The following MSH4 variants were observed in gnomAD, a reference collection of about 807,000 sequenced individuals.
MSH4 encodes the protein mutS homolog 4.
MSH4 carries 106 observed loss-of-function variants against 113.7 expected under a neutral mutation model. That is an observed-to-expected ratio of 0.93 (90% CI 0.80 to 1.10). The LOEUF is 1.10. Among genes scored for constraint, MSH4 ranks in the 50% least tolerant of loss-of-function variants. MSH4 has a pLI of 0.00. For missense variants in MSH4, 1,061 were observed against 1,093.7 expected (o/e 0.97, Z 0.42); for synonymous variants, 368 against 380.2 (o/e 0.97, Z 0.37).
chr1:75,893,820 A>G (rs561070991), intron 17 of MSH4, among the ~76,000 whole-genome samples: 1 of 152,320 alleles, frequency 6.6e-6, no homozygotes, highest in Admixed American at 6.5e-5. Flanking sequence ...AGTTTTTGAT[A>G]TGGGCTTACT....
rs569746118 is a variant in MSH4, at chr1:75,862,117, G to T, written c.1231-5397G>T. Among the ~76,000 whole-genome samples the T allele has an allele frequency of 2.3e-4, 35 of 152,272 alleles. 1 individual carries two copies. The highest frequency in any genetic ancestry group is 1.4e-3 in the East Asian group (7 of 5,172). On this transcript the variant is annotated intron_variant, in intron 8 of 19. Transcript: ENST00000263187. ...AGCCAGGCACGGAAGGGGATCTCCT[G>T]GTCTGCCAGTTGTGAAGACCGTGGG...
At chr1:75,812,674 A>G (rs559655337) in intron 4 of MSH4, among the ~76,000 whole-genome samples, 1 of 152,318 alleles carries the variant, frequency 6.6e-6, no homozygotes, top group African/African-American at 2.4e-5. Flanking sequence ...AGCCTGGGCA[A>G]CAGAGCAAGA....
At chr1:75,803,497 A>G (rs1649985760) in intron 1 of MSH4, among the ~76,000 whole-genome samples, 1 of 152,030 alleles carries the variant, frequency 6.6e-6, no homozygotes, top group Non-Finnish European at 1.5e-5. Flanking sequence ...GGTGCCTGTA[A>G]TCCCAGCTAC....
At chr1:75,848,774 G>T (rs1186166460) in intron 8 of MSH4, among the ~76,000 whole-genome samples, 1 of 151,938 alleles carries the variant, frequency 6.6e-6, no homozygotes, top group African/African-American at 2.4e-5. Context: ...TGAGGAATTG[G>T]CCTATTTTCA....
chr1:75,850,313 A>G (rs1358057910), intron 8 of MSH4, among the ~76,000 whole-genome samples: 1 of 152,108 alleles, frequency 6.6e-6, no homozygotes, highest in Non-Finnish European at 1.5e-5. Context: ...CTCTCTGAGT[A>G]ATGCTTTAGC....
At chr1:75,902,445 A>G (rs183847610) in intron 19 of MSH4, among the ~76,000 whole-genome samples, 1 of 151,864 alleles carries the variant, frequency 6.6e-6, no homozygotes, top group Non-Finnish European at 1.5e-5. Flanking sequence ...TATAAGTGAG[A>G]ACATGCAGTA....
intron 3 of MSH4, among the ~76,000 whole-genome samples, chr1:75,809,082 G>A (rs1428238885): frequency 1.3e-5 from 2 of 151,958 alleles, no homozygotes; most frequent in African/African-American, 4.8e-5. Flanking sequence ...AATTTTTTTT[G>A]TATAGATGGG....
At chr1:75,881,513 T>A (rs1651932327) in intron 14 of MSH4, 143 bp downstream of exon 14, 1 of 813,462 alleles carries the variant, frequency 1.2e-6, no homozygotes, top group Admixed American at 3.8e-5. Flanking sequence ...AGACACAAAA[T>A]AAAGAAAGTG....
At chr1:75,882,502 G>A (rs939954950) in intron 14 of MSH4, among the ~76,000 whole-genome samples, 9 of 151,866 alleles carry the variant, frequency 5.9e-5, no homozygotes, top group South Asian at 2.1e-4. Context: ...TATTTGTGTT[G>A]ATCTTCTCTA....
chr1:75,883,289 C>T lies in MSH4; in HGVS notation c.1907-332C>T, dbSNP rs961448730. On this transcript the variant is annotated intron_variant, in intron 14 of 19. Transcript: ENST00000263187. ...CTCCGCCTCCCAAATGCTGGGATTA[C>T]CAGCATGAGCCATCACGCCTGGTCT... Among the ~76,000 whole-genome samples the T allele has an allele frequency of 2.6e-5, 4 of 151,096 alleles. No homozygotes were observed. The South Asian group carries it at 8.3e-4, about 31-fold the overall frequency.
At chr1:75,870,317 T>C (rs536497447) in intron 9 of MSH4, among the ~76,000 whole-genome samples, 21 of 151,732 alleles carry the variant, frequency 1.4e-4, no homozygotes, top group Non-Finnish European at 2.7e-4. Flanking sequence ...TTGTCTCAGA[T>C]GAGATTTGGA....
At chr1:75,854,041 A>G (rs912484320) in intron 8 of MSH4, among the ~76,000 whole-genome samples, 1 of 147,524 alleles carries the variant, frequency 6.8e-6, no homozygotes, top group East Asian at 2.0e-4. Flanking sequence ...ATAAATATAT[A>G]GATATTGACC....
At chr1:75,839,479 T>C (rs1419768585) in intron 7 of MSH4, among the ~76,000 whole-genome samples, 1 of 152,146 alleles carries the variant, frequency 6.6e-6, no homozygotes, top group Non-Finnish European at 1.5e-5. Context: ...CCTCCCAAAG[T>C]GTTGGGATTA....
intron 7 of MSH4, among the ~76,000 whole-genome samples, chr1:75,835,119 C>T (rs1032801175): frequency 6.6e-6 from 1 of 152,142 alleles, no homozygotes; most frequent in Non-Finnish European, 1.5e-5. Flanking sequence ...TGCCTGACTA[C>T]CCTAGCTTGT....
In MSH4 at chr1:75,912,366, G is replaced by T. The variant is rs544439656; in HGVS notation, c.2620-330G>T. On this transcript the variant is annotated intron_variant, in intron 19 of 19. Transcript: ENST00000263187. ...AAAGTGTTTGTAGAGTCTATCTCTG[G>T]TGGATTTTCTATTACTTTTCGGTAT... 3.5e-4 allele frequency among the ~76,000 whole-genome samples: 54 copies of T among 152,154 alleles called. 1 individual carries two copies. The highest frequency in any genetic ancestry group is 3.4e-3 in the Middle Eastern group (1 of 294).
Position 75,848,213 on chromosome 1 carries a change from A to G in MSH4, c.1167A>G (p.Ile389Met), listed in dbSNP as rs1274351042. The change falls in exon 8 of 20, where the codon ATA (isoleucine) becomes ATG (methionine). Residue 389 changes from isoleucine to methionine, a missense_variant. Ile to Met is a conservative substitution (Grantham distance 10). Transcript: ENST00000263187. ...EELFFGLQSV[I>M]SRFLDTEQLL... ...ACATTTGTTTGTTTGTTTCAGTTAT[A>G]TCAAGATTTCTTGATACAGAGCAGC... 3 of 1,601,518 alleles carry G rather than the reference A, an allele frequency of 1.9e-6. No homozygotes were observed. The highest frequency in any genetic ancestry group is 3.4e-5 in the Admixed American group (2 of 59,406).
chr1:75,885,953 T>C (rs183837018), intron 15 of MSH4, among the ~76,000 whole-genome samples: 4,842 of 113,530 alleles, frequency 0.043, 331 homozygotes, highest in African/African-American at 0.087. Flanking sequence ...ATAATATATA[T>C]GATGTATTAT....
At chr1:75,851,946 T>G (rs1006502996) in intron 8 of MSH4, among the ~76,000 whole-genome samples, 7 of 152,148 alleles carry the variant, frequency 4.6e-5, no homozygotes, top group African/African-American at 1.4e-4. Flanking sequence ...ATTCACAGAG[T>G]TGTACAACCA....
intron 19 of MSH4, 70 bp from the exon 20 acceptor site, chr1:75,912,626 A>C: frequency 9.9e-7 from 1 of 1,005,354 alleles, no homozygotes; most frequent in Non-Finnish European, 1.3e-6. Flanking sequence ...GAATATTGCC[A>C]ACATGTGGTT....
Sources: allele counts gnomAD v4.1 joint callset (sites outside exome capture counted in the v4.1 genomes callset), GRCh38; gene constraint gnomAD v4.1.1; transcripts MANE v1.5; gene names NCBI Gene and HGNC (gene_info 2026-07-23, HGNC 2026-07-21).